Variants in EVA1A observed in about 807,000 individuals in gnomAD.
EVA1A encodes the protein protein eva-1 homolog A.
EVA1A carries 7 observed loss-of-function variants against 9.8 expected under a neutral mutation model. The ratio of observed to expected loss-of-function variants is 0.71; its 90% CI spans 0.41 to 1.34. EVA1A has a LOEUF of 1.34. Ranked by LOEUF, EVA1A falls within the 40% of genes most tolerant of loss-of-function variation. The pLI is 0.01. For synonymous variants in EVA1A, 90 were observed against 85.6 expected (o/e 1.05, Z -0.28); for missense variants, 206 against 205.9 (o/e 1.00, Z 0.00).
intron 3 of EVA1A, among the ~76,000 whole-genome samples, chr2:75,507,370 A>G (rs967071542): frequency 6.6e-6 from 1 of 152,188 alleles, no homozygotes; most frequent in African/African-American, 2.4e-5. Flanking sequence ...CCTACCAACC[A>G]TCTATGTGGC....
chr2:75,555,038 AG>A (rs1328480385), intron 1 of EVA1A, among the ~76,000 whole-genome samples: 2 of 152,318 alleles, frequency 1.3e-5, no homozygotes, highest in African/African-American at 2.4e-5. Flanking sequence ...CCTATGTGCC[AG>A]GGGGTCACTA....
At chr2:75,517,607 G>A (rs929515416) in intron 3 of EVA1A, among the ~76,000 whole-genome samples, 2 of 151,986 alleles carry the variant, frequency 1.3e-5, no homozygotes, top group East Asian at 1.9e-4. Context: ...CTACAGCTTC[G>A]TCAAATACCT....
At chr2:75,507,598 C>T (rs1674661106) in intron 3 of EVA1A, among the ~76,000 whole-genome samples, 1 of 152,152 alleles carries the variant, frequency 6.6e-6, no homozygotes, top group African/African-American at 2.4e-5. Context: ...ACCTCAAAGG[C>T]ACCAGCCCAG....
chr2:75,533,071 G>C (rs1027253747), intron 1 of EVA1A, among the ~76,000 whole-genome samples: 2 of 151,400 alleles, frequency 1.3e-5, no homozygotes, highest in African/African-American at 4.9e-5. Flanking sequence ...TTGAGCCTAG[G>C]AGATCGAGAC....
At chr2:75,507,621 G>GGGCCCCTATACTCACATAGA (rs1674662278) in intron 3 of EVA1A, among the ~76,000 whole-genome samples, 7 of 152,166 alleles carry the variant, frequency 4.6e-5, no homozygotes, top group Admixed American at 3.9e-4. Context: ...ACTGAGTATA[G>GGGCCCCTATACTCACATAGA]GGGCCCTCTA....
intron 1 of EVA1A, among the ~76,000 whole-genome samples, chr2:75,527,048 T>C (rs1444289582): frequency 6.6e-6 from 1 of 151,848 alleles, no homozygotes; most frequent in Non-Finnish European, 1.5e-5. Context: ...ACAAACAGAC[T>C]CCCAACAAAT....
At position 75,496,649 on chromosome 2, in the gene EVA1A, A is replaced by G. The variant is rs368821317; in HGVS notation, c.86-3040T>C. On this transcript the variant is annotated intron_variant, in intron 3 of 3. Coordinates refer to ENST00000393913, the MANE Select transcript of EVA1A (RefSeq NM_001135032.2). ...TCAATGCTATTCCTATCAAAGTACC[A>G]ACATCATTTTTCACAGAATTAGAAA... Among the ~76,000 whole-genome samples the G allele has an allele frequency of 1.9e-3, 287 of 152,324 alleles. 6 individuals are homozygous for G. The highest frequency in any genetic ancestry group is 6.7e-3 in the African/African-American group (278 of 41,572).
intron 1 of EVA1A, among the ~76,000 whole-genome samples, chr2:75,527,097 T>C (rs1675473095): frequency 6.6e-6 from 1 of 152,092 alleles, no homozygotes; most frequent in Non-Finnish European, 1.5e-5. Context: ...AAAGGAGTGT[T>C]CTAGCAAGAC....
intron 3 of EVA1A, among the ~76,000 whole-genome samples, chr2:75,507,185 A>G (rs1363031987): frequency 6.6e-6 from 1 of 152,214 alleles, no homozygotes; most frequent in Non-Finnish European, 1.5e-5. Context: ...GATTAGACTC[A>G]TGCTGCATTC....
chr2:75,550,680 C>T (rs1676489416), intron 1 of EVA1A, among the ~76,000 whole-genome samples: 2 of 152,210 alleles, frequency 1.3e-5, no homozygotes, highest in African/African-American at 4.8e-5. Context: ...ACCTGAAACA[C>T]CTGTCCAGAA....
In EVA1A at chr2:75,565,999, A is replaced by C. The variant is rs76521652; in HGVS notation, c.-192+3477T>G. ...TTTCTCTCTCTCTCTTTCTCTCTCT[A>C]TCTCTCTCTTTCTCCAGTTGTCTCA... On this transcript the variant is annotated intron_variant, in intron 1 of 3. Transcript: ENST00000233712. Among the ~76,000 whole-genome samples the C allele has an allele frequency of 3.3e-5, 5 of 151,940 alleles. No homozygotes were observed. The South Asian group carries it at 6.2e-4, about 19-fold the overall frequency.
chr2:75,547,087 T>C (rs1372292703), intron 1 of EVA1A, among the ~76,000 whole-genome samples: 1 of 152,182 alleles, frequency 6.6e-6, no homozygotes, highest in Non-Finnish European at 1.5e-5. Context: ...CAATTTGTGA[T>C]ATTTTATTAT....
At chr2:75,505,696 C>A (rs1052746799) in intron 3 of EVA1A, among the ~76,000 whole-genome samples, 1 of 151,976 alleles carries the variant, frequency 6.6e-6, no homozygotes, top group African/African-American at 2.4e-5. Context: ...CGTCTGTAAT[C>A]CCAGCTACTC....
At chr2:75,567,569 T>C (rs551199126) in intron 1 of EVA1A, among the ~76,000 whole-genome samples, 34 of 152,326 alleles carry the variant, frequency 2.2e-4, no homozygotes, top group Admixed American at 8.5e-4. Flanking sequence ...CTGAAGAGTG[T>C]ACACTAACCA....
At chr2:75,543,426 G>A (rs754482043) in intron 1 of EVA1A, among the ~76,000 whole-genome samples, 1 of 152,102 alleles carries the variant, frequency 6.6e-6, no homozygotes, top group Non-Finnish European at 1.5e-5. Flanking sequence ...TGGCTTCCCA[G>A]TCCCAAAAGT....
intron 3 of EVA1A, among the ~76,000 whole-genome samples, chr2:75,503,989 A>G (rs1390215565): frequency 2.0e-5 from 3 of 152,192 alleles, no homozygotes; most frequent in Non-Finnish European, 2.9e-5. Flanking sequence ...AATTTTCATT[A>G]ATAAAAAACT....
chr2:75,516,542 T>C (rs1675011768), intron 3 of EVA1A, among the ~76,000 whole-genome samples: 1 of 152,196 alleles, frequency 6.6e-6, no homozygotes. Context: ...ACAAGACACA[T>C]GGTAAACACA....
chr2:75,551,107 G>A (rs1445078138), intron 1 of EVA1A, among the ~76,000 whole-genome samples: 1 of 151,990 alleles, frequency 6.6e-6, no homozygotes, highest in African/African-American at 2.4e-5. Context: ...GGGCGACAGA[G>A]CAAGACTCTG....
chr2:75,517,290 C>A (rs1675046193), intron 3 of EVA1A, among the ~76,000 whole-genome samples: 4 of 152,138 alleles, frequency 2.6e-5, no homozygotes, highest in Admixed American at 2.6e-4. Flanking sequence ...CCAATTGAAA[C>A]CCTAGTCCCT....
Sources: gnomAD v4.1 joint callset for allele counts (sites outside exome capture counted in the v4.1 genomes callset) on GRCh38, gnomAD v4.1.1 for gene constraint, MANE v1.5 for transcripts, NCBI Gene and HGNC (gene_info 2026-07-23, HGNC 2026-07-21) for gene names.